SORL1: variants seen among roughly 807,000 people sequenced by gnomAD.
SORL1 encodes sortilin-related receptor.
A neutral mutation model predicts 273.7 loss-of-function variants in SORL1; 127 were observed. The observed-to-expected ratio is 0.46, with a 90% CI of 0.40 to 0.54. The LOEUF (loss-of-function observed/expected upper bound fraction) is 0.54. Among genes scored for constraint, SORL1 ranks in the 20% least tolerant of loss-of-function variants. SORL1 has a pLI of 0.00. For synonymous variants in SORL1, 1,031 were observed against 1,067.4 expected, an observed-to-expected ratio of 0.97 and a Z score of 0.66; for missense variants, 2,494 against 2,846.1, an observed-to-expected ratio of 0.88 and a Z score of 2.81.
chr11:121,591,974 G>T (rs1380812485), intron 31 of SORL1, among the ~76,000 whole-genome samples: 1 of 152,142 alleles, frequency 6.6e-6, no homozygotes, highest in Non-Finnish European at 1.5e-5. Context: ...TTACTAGGGT[G>T]GTCTTTTTGC....
intron 25 of SORL1, among the ~76,000 whole-genome samples, chr11:121,582,307 A>C (rs1337781952): frequency 6.6e-6 from 1 of 152,236 alleles, no homozygotes; most frequent in Non-Finnish European, 1.5e-5. Context: ...GTTGAATAGA[A>C]AACTATAGTT....
chr11:121,591,655 G>A (rs780537798), intron 31 of SORL1, among the ~76,000 whole-genome samples: 2 of 152,334 alleles, frequency 1.3e-5, no homozygotes, highest in South Asian at 2.1e-4. Context: ...ATTGTTGGAG[G>A]TGGGGTAGAA....
At chr11:121,524,721 CT>C (rs1451647148) in intron 11 of SORL1, among the ~76,000 whole-genome samples, 1 of 151,204 alleles carries the variant, frequency 6.6e-6, no homozygotes, top group Admixed American at 6.6e-5. Flanking sequence ...GCTTTTTTCT[CT>C]TTTTAAATAA....
chr11:121,522,696 C>T lies in SORL1; in HGVS notation c.1515C>T (p.Ile505=), dbSNP rs545101541. 5.5e-5 allele frequency: 88 copies of T among 1,611,586 alleles called. No individual in the cohort carries two copies. In the Middle Eastern group the frequency reaches 8.3e-4, roughly 15 times the overall value. Residue 505 remains isoleucine, a synonymous_variant, in exon 10 of 48, where the codon ATC becomes ATT. Transcript: ENST00000260197. ...LSKESAPGLI[I]ATGSVGKNLA... ...AGGAGTCGGCTCCAGGCCTCATCATCGCCACTGGTAAGTGTGCTTGCCTGT... is the reference window on the plus strand; with the variant it reads ...AGGAGTCGGCTCCAGGCCTCATCATTGCCACTGGTAAGTGTGCTTGCCTGT...
intron 22 of SORL1, among the ~76,000 whole-genome samples, chr11:121,568,307 CT>C (rs1312728390): frequency 1.3e-5 from 2 of 152,152 alleles, no homozygotes; most frequent in Non-Finnish European, 2.9e-5. Context: ...AAAGATGAGC[CT>C]TTCTTTCTTA....
chr11:121,518,459 C>G (rs997316547), intron 8 of SORL1, among the ~76,000 whole-genome samples: 1 of 152,100 alleles, frequency 6.6e-6, no homozygotes, highest in African/African-American at 2.4e-5. Context: ...GATAAAACTC[C>G]AGGAATCCGA....
At chr11:121,590,208 A>G in intron 30 of SORL1, 34 bp downstream of exon 30, 6 of 1,606,500 alleles carry the variant, frequency 3.7e-6, no homozygotes, top group Non-Finnish European at 5.1e-6. Flanking sequence ...TTAGCCCCAT[A>G]ACCAAGACAC....
At chr11:121,461,828 A>G (rs1223753160) in intron 1 of SORL1, among the ~76,000 whole-genome samples, 1 of 152,100 alleles carries the variant, frequency 6.6e-6, no homozygotes, top group Non-Finnish European at 1.5e-5. Flanking sequence ...GCTAATGTTA[A>G]TGTTCTATGT....
chr11:121,624,362 A>G (rs1018616737), intron 45 of SORL1, among the ~76,000 whole-genome samples: 1 of 152,198 alleles, frequency 6.6e-6, no homozygotes, highest in Non-Finnish European at 1.5e-5. Context: ...GGGGATCAGC[A>G]GAGAAGTCAG....
intron 3 of SORL1, among the ~76,000 whole-genome samples, chr11:121,480,026 T>C (rs1861348171): frequency 6.6e-6 from 1 of 152,186 alleles, no homozygotes; most frequent in Non-Finnish European, 1.5e-5. Context: ...CTGCTTGCCT[T>C]GCCTTTGGCT....
chr11:121,570,617 G>A (rs1862826845), intron 23 of SORL1, among the ~76,000 whole-genome samples: 1 of 152,324 alleles, frequency 6.6e-6, no homozygotes. Flanking sequence ...CTTGGGGCGA[G>A]TAAACAGGTG....
intron 23 of SORL1, among the ~76,000 whole-genome samples, chr11:121,570,716 C>T (rs532187536): frequency 8.7e-4 from 132 of 152,236 alleles, no homozygotes; most frequent in African/African-American, 3.1e-3. Flanking sequence ...GGCTACCTAC[C>T]AGGCTCAAGA....
intron 11 of SORL1, among the ~76,000 whole-genome samples, chr11:121,526,500 G>C (rs371868008): frequency 1.3e-5 from 2 of 152,226 alleles, no homozygotes; most frequent in South Asian, 4.1e-4. Flanking sequence ...TATGGAATCT[G>C]CTGGGATTTT....
chr11:121,470,110 C>T lies in SORL1; in HGVS notation c.389C>T (p.Pro130Leu). Reference protein sequence around the residue: ...LARDSLALARPKSSDVYVSYD... With the variant: ...LARDSLALARLKSSDVYVSYD... ...CGAGATAGCCTGGCATTGGCGAGGC[C>T]CAAGAGCAGTGATGTAAGTGTTGTG... Residue 130 changes from proline (P) to leucine (L), a missense_variant, in exon 2 of 48, where the codon CCC (proline) becomes CTC (leucine). Pro to Leu is a moderately conservative substitution (Grantham distance 98, BLOSUM62 -3). This residue lies in a region of SORL1 where 710 missense variants were observed against 882.5 expected (regional missense o/e 0.80). Coordinates refer to ENST00000260197, the MANE Select transcript of SORL1 (RefSeq NM_003105.6). 6.2e-7 allele frequency: 1 copy of T among 1,612,564 alleles called. No individual in the cohort carries two copies. The highest frequency in any genetic ancestry group is 1.3e-5 in the African/African-American group (1 of 75,000).
intron 46 of SORL1, 29 bp downstream of exon 46, chr11:121,625,306 C>A: frequency 6.4e-7 from 1 of 1,572,506 alleles, no homozygotes; most frequent in Non-Finnish European, 8.7e-7. Flanking sequence ...CCGTTTCTGT[C>A]TTCAGTTCTA....
chr11:121,457,135 G>A (rs528319537), intron 1 of SORL1, among the ~76,000 whole-genome samples: 1 of 152,184 alleles, frequency 6.6e-6, no homozygotes, highest in Non-Finnish European at 1.5e-5. Flanking sequence ...GGAGCTCTGT[G>A]CCCAGTCTCT....
chr11:121,592,670 C>T (rs187293458), intron 31 of SORL1, among the ~76,000 whole-genome samples: 177 of 152,364 alleles, frequency 1.2e-3, no homozygotes, highest in Middle Eastern at 3.4e-3. Flanking sequence ...ATGCTGTCTA[C>T]TACTTTGAGT....
chr11:121,539,488 A>G lies in SORL1; in HGVS notation c.1686-4060A>G, dbSNP rs1862313532. On this transcript the variant is annotated intron_variant, in intron 12 of 47. Coordinates refer to ENST00000260197, the MANE Select transcript of SORL1 (RefSeq NM_003105.6). Reference sequence around the variant, plus strand: ...TTGAAAAGGATGCTATAATCATCCTATCTTTAAGTCTTTCAGTTCCTTAGA... The same window carrying G: ...TTGAAAAGGATGCTATAATCATCCTGTCTTTAAGTCTTTCAGTTCCTTAGA... Among the ~76,000 whole-genome samples the G allele has an allele frequency of 2.0e-5, 3 of 152,248 alleles. 1 individual carries two copies. Among genetic ancestry groups the G allele is most frequent in the South Asian group, 4.1e-4 (2 of 4,834 alleles).
chr11:121,577,428 G>A, intron 25 of SORL1, 28 bp downstream of exon 25: 1 of 1,554,060 alleles, frequency 6.4e-7, no homozygotes, highest in Non-Finnish European at 8.7e-7. Context: ...TCAGTTGACA[G>A]CACTCATCCG....
Sources: allele counts gnomAD v4.1 joint callset (sites outside exome capture counted in the v4.1 genomes callset), GRCh38; gene constraint gnomAD v4.1.1; regional missense constraint gnomAD v4.1.1; transcripts MANE v1.5; gene names NCBI Gene and HGNC (gene_info 2026-07-23, HGNC 2026-07-21).